The following MYH16 variants were observed in gnomAD, a reference collection of about 807,000 sequenced individuals.
MYH16 encodes myosin heavy chain 16.
chr7:99,295,763 G>T (rs904472872), intron 33 of MYH16, among the ~76,000 whole-genome samples: 4 of 150,768 alleles, frequency 2.7e-5, no homozygotes, highest in African/African-American at 9.8e-5. Context: ...AGTCCAAGAG[G>T]CTGAGGCTAC....
At chr7:99,294,479 C>T (rs1395569179) in intron 33 of MYH16, among the ~76,000 whole-genome samples, 4 of 68,836 alleles carry the variant, frequency 5.8e-5, no homozygotes, top group Non-Finnish European at 1.0e-4. Flanking sequence ...CCAGCCTGAA[C>T]AACACAGGGA....
intron 39 of MYH16, among the ~76,000 whole-genome samples, chr7:99,303,662 C>G (rs1198459699): frequency 3.3e-5 from 5 of 152,138 alleles, no homozygotes; most frequent in African/African-American, 1.2e-4. Context: ...ATTAGCCGGG[C>G]ATCATGGCAT....
intron 21 of MYH16, among the ~76,000 whole-genome samples, chr7:99,278,287 C>G (rs1381794253): frequency 1.3e-5 from 2 of 152,150 alleles, no homozygotes; most frequent in Non-Finnish European, 2.9e-5. Flanking sequence ...TGGGCACACA[C>G]AGCTACAGGA....
intron 33 of MYH16, among the ~76,000 whole-genome samples, chr7:99,294,721 C>T (rs150676852): frequency 0.087 from 13,189 of 151,598 alleles, 834 homozygotes; most frequent in African/African-American, 0.18. Flanking sequence ...CCCACCACCA[C>T]GCCCAGCTAA....
intron 32 of MYH16, among the ~76,000 whole-genome samples, chr7:99,292,976 A>G (rs1792412542): frequency 7.2e-6 from 1 of 138,154 alleles, no homozygotes; most frequent in Non-Finnish European, 1.5e-5. Context: ...AAAAAAAAAA[A>G]CTACATAAGT....
chr7:99,248,640 T>A (rs1791766570), intron 3 of MYH16, among the ~76,000 whole-genome samples: 1 of 152,056 alleles, frequency 6.6e-6, no homozygotes, highest in Admixed American at 6.5e-5. Flanking sequence ...CAGCCTCAGC[T>A]TCCCCAAATG....
chr7:99,274,616 C>T (rs1429016700), intron 20 of MYH16, among the ~76,000 whole-genome samples: 8 of 151,960 alleles, frequency 5.3e-5, no homozygotes. Flanking sequence ...GTTGCCGGTG[C>T]CGCCTGGCTT....
intron 30 of MYH16, among the ~76,000 whole-genome samples, chr7:99,289,997 T>C (rs1404388857): frequency 6.6e-6 from 1 of 152,188 alleles, no homozygotes; most frequent in African/African-American, 2.4e-5. Flanking sequence ...ATTGGCAATT[T>C]ATCAATGTAT....
intron 24 of MYH16, 29 bp from the exon 7 acceptor site, chr7:99,283,844 A>T: frequency 2.2e-6 from 1 of 450,198 alleles, no homozygotes. Context: ...CTCCTCGTCT[A>T]CCTTCTCTTG....
At chr7:99,289,360 A>G in exon 30 of MYH16, 1 of 445,596 alleles carries the variant, frequency 2.2e-6, no homozygotes, top group Non-Finnish European at 4.5e-6. Context: ...GCAGAGCTAG[A>G]GCGAAACCAA....
chr7:99,242,439 C>A (rs114324415), intron 1 of MYH16, among the ~76,000 whole-genome samples: 2,121 of 151,786 alleles, frequency 0.014, 49 homozygotes, highest in African/African-American at 0.049. Flanking sequence ...AGTTCAAGAC[C>A]AGCATAGGCA....
At chr7:99,280,310 C>T (rs1202730754) in intron 22 of MYH16, among the ~76,000 whole-genome samples, 2 of 152,266 alleles carry the variant, frequency 1.3e-5, no homozygotes, top group Admixed American at 6.5e-5. Context: ...AGAACATGTC[C>T]GTCACTGCAG....
exon 37 of MYH16, chr7:99,299,610 C>T (rs1030726853): frequency 6.5e-6 from 1 of 153,562 alleles, no homozygotes; most frequent in African/African-American, 2.4e-5. Context: ...CCAACAAGAA[C>T]AACAGCGAAC....
rs555083830 is a variant in MYH16 at position 99,291,073 on chromosome 7, G to T, written n.3825-250G>T. 63 of 215,400 alleles carry T rather than the reference G, an allele frequency of 2.9e-4. No individual in the cohort carries two copies. In the South Asian group the frequency reaches 3.7e-3, roughly 12 times the overall value. 13.3% of individuals were successfully genotyped at this position (215,400 alleles called of 1,614,324 possible). Reference sequence around the variant, plus strand: ...ATCTCCTGACATGTAGGAGATAGGGGTTTCATTATGTGAGGCCCCTAAGTC... The same window carrying T: ...ATCTCCTGACATGTAGGAGATAGGGTTTTCATTATGTGAGGCCCCTAAGTC... On this transcript the variant is annotated intron_variant and non_coding_transcript_variant, in intron 30 of 41. Coordinates refer to ENST00000439784, the Ensembl canonical transcript of MYH16.
At chr7:99,267,874 CT>C (rs1384938999) in intron 18 of MYH16, among the ~76,000 whole-genome samples, 4 of 152,214 alleles carry the variant, frequency 2.6e-5, no homozygotes, top group Admixed American at 1.3e-4. Flanking sequence ...GGTTCACAGG[CT>C]TTGCAGTCAG....
At chr7:99,255,444 T>C (rs903930152) in intron 8 of MYH16, 9 of 142,668 alleles carry the variant, frequency 6.3e-5, no homozygotes, top group African/African-American at 2.1e-4. Flanking sequence ...CCAGACCCTG[T>C]TGAAAGAAAG....
chr7:99,296,880 T>C (rs554909158), exon 34 of MYH16: 55 of 457,478 alleles, frequency 1.2e-4, no homozygotes, highest in African/African-American at 1.1e-3. Flanking sequence ...CTCTGGAGCA[T>C]CTAGAGTCCG....
chr7:99,298,784 T>A (rs1315634461), intron 36 of MYH16, among the ~76,000 whole-genome samples: 2 of 151,664 alleles, frequency 1.3e-5, no homozygotes, highest in Non-Finnish European at 2.9e-5. Flanking sequence ...TTTTTAATTA[T>A]ACTTTAAGTT....
intron 33 of MYH16, 130 bp downstream of exon 14, chr7:99,294,280 G>A: frequency 3.0e-6 from 1 of 333,620 alleles, no homozygotes; most frequent in South Asian, 2.3e-5. Context: ...GCAATGCAGG[G>A]GTGCCTTCAG....
Sources: allele counts gnomAD v4.1 joint callset (sites outside exome capture counted in the v4.1 genomes callset), GRCh38; gene constraint gnomAD v4.1.1; transcripts MANE v1.5; gene names NCBI Gene and HGNC (gene_info 2026-07-23, HGNC 2026-07-21).